The following IKBKB variants were observed in gnomAD, a reference collection of about 807,000 sequenced individuals.
IKBKB encodes the protein inhibitor of nuclear factor kappa-B kinase subunit beta.
In IKBKB, 42 loss-of-function variants were observed where a neutral mutation model predicts 113.6. The ratio of observed to expected loss-of-function variants is 0.37; its 90% CI spans 0.29 to 0.48. IKBKB has a LOEUF of 0.48. IKBKB is among the 20% of genes least tolerant of loss of function. IKBKB has a pLI of 0.99. For missense variants in IKBKB, 673 were observed against 939.7 expected (o/e 0.72, Z 3.71); for synonymous variants, 296 against 361.3 (o/e 0.82, Z 2.05).
intron 2 of IKBKB, among the ~76,000 whole-genome samples, chr8:42,275,636 A>T (rs993610020): frequency 2.0e-5 from 3 of 152,194 alleles, no homozygotes; most frequent in Non-Finnish European, 4.4e-5. Context: ...TTTATGGCTG[A>T]ATAAGAGTAC....
Position 42,317,790 on chromosome 8 carries a change from T to C in IKBKB, c.1240+19T>C. 6.5e-7 allele frequency: 1 copy of C among 1,535,192 alleles called. No homozygotes were observed. The highest frequency in any genetic ancestry group is 1.1e-5 in the South Asian group (1 of 89,472). ...TGTATCCGTAAGAATTTGTTATGTT[T>C]TGTTTTTCTAAATAATCCGTTATAA... On this transcript the variant is annotated intron_variant, in intron 12 of 21. Transcript: ENST00000520810.
intron 5 of IKBKB, among the ~76,000 whole-genome samples, chr8:42,293,910 G>A (rs983469928): frequency 2.0e-5 from 3 of 152,218 alleles, no homozygotes; most frequent in South Asian, 2.1e-4. Context: ...AATGAGAGGC[G>A]TAGGAAAAAC....
intron 5 of IKBKB, among the ~76,000 whole-genome samples, chr8:42,303,090 A>AGAGTG (rs1815668991): frequency 9.9e-6 from 1 of 101,162 alleles, no homozygotes; most frequent in Non-Finnish European, 2.0e-5. Context: ...AGAGAGAGAG[A>AGAGTG]ATGAGAGAGA....
intron 19 of IKBKB, chr8:42,325,534 C>A: frequency 1.6e-6 from 1 of 626,332 alleles, no homozygotes; most frequent in Non-Finnish European, 2.0e-6. Flanking sequence ...CAAAAATTAG[C>A]TGGGTGTAGT....
intron 5 of IKBKB, among the ~76,000 whole-genome samples, chr8:42,304,775 C>A (rs979102261): frequency 2.0e-5 from 3 of 152,218 alleles, no homozygotes; most frequent in Admixed American, 6.5e-5. Flanking sequence ...AAAGAAACTT[C>A]CCTTCTCAAA....
intron 2 of IKBKB, among the ~76,000 whole-genome samples, chr8:42,273,579 T>A (rs915885619): frequency 4.6e-5 from 7 of 152,152 alleles, no homozygotes; most frequent in South Asian, 4.1e-4. Flanking sequence ...AACATTTTTT[T>A]AAATTTTGTA....
intron 21 of IKBKB, chr8:42,329,676 C>T: frequency 2.0e-6 from 2 of 985,328 alleles, no homozygotes; most frequent in Non-Finnish European, 2.4e-6. Context: ...CCCACCTGCA[C>T]CATTGGTACT....
intron 19 of IKBKB, 99 bp downstream of exon 19, chr8:42,322,593 C>A: frequency 1.6e-6 from 2 of 1,242,378 alleles, no homozygotes; most frequent in South Asian, 1.4e-5. Flanking sequence ...ACCACAGAGC[C>A]ACCAGCAGCC....
rs572879164 is a variant in IKBKB, at chr8:42,275,567, T to C, written c.105+3362T>C. On this transcript the variant is annotated intron_variant, in intron 2 of 21. Coordinates refer to ENST00000520810, the MANE Select transcript of IKBKB (RefSeq NM_001556.3). ...TCTCCCTGGGCCTGGCTTAATTCCC[T>C]TAATGTAATGCCCTCCAAGCTCATC... 2.0e-5 allele frequency among the ~76,000 whole-genome samples: 3 copies of C among 152,322 alleles called. No homozygotes were observed. In the East Asian group the frequency reaches 5.8e-4, roughly 29 times the overall value.
At chr8:42,284,151 A>G (rs1810917811) in intron 2 of IKBKB, among the ~76,000 whole-genome samples, 1 of 152,198 alleles carries the variant, frequency 6.6e-6, no homozygotes, top group South Asian at 2.1e-4. Flanking sequence ...ATAGTCCTAG[A>G]GGCTATGAAG....
intron 2 of IKBKB, among the ~76,000 whole-genome samples, chr8:42,287,107 T>C (rs1223620313): frequency 6.6e-6 from 1 of 152,146 alleles, no homozygotes; most frequent in Non-Finnish European, 1.5e-5. Flanking sequence ...CAGTGGTGAC[T>C]CCCTTGTGGC....
At chr8:42,320,972 G>T (rs1170653609) in intron 16 of IKBKB, 128 bp downstream of exon 16, 2 of 536,130 alleles carry the variant, frequency 3.7e-6, no homozygotes, top group Non-Finnish European at 6.5e-6. Flanking sequence ...TCCCTGTGGG[G>T]TCACTTCCAG....
At position 42,331,072 on chromosome 8, in the gene IKBKB, C is replaced by A; in HGVS notation, c.*93C>A. ...CCCCCTGACATGGGGCTGCCTGGAG[C>A]AGGCCGCGTGACGTGGGGCTGCCTG... is the stretch of plus-strand genomic sequence containing the variant. On this transcript the variant is annotated 3_prime_UTR_variant, in exon 22 of 22. Transcript: ENST00000520810. The A allele has an allele frequency of 3.8e-6, 6 of 1,585,464 alleles. No homozygotes were observed. The highest frequency in any genetic ancestry group is 5.1e-6 in the Non-Finnish European group (6 of 1,168,744).
chr8:42,314,581 C>T, intron 9 of IKBKB, 152 bp downstream of exon 9: 1 of 610,660 alleles, frequency 1.6e-6, no homozygotes, highest in Non-Finnish European at 3.0e-6. Flanking sequence ...TCAAGACCAG[C>T]CTGGCCAACA....
chr8:42,311,538 G>A (rs1817682489), intron 8 of IKBKB, among the ~76,000 whole-genome samples: 1 of 128,576 alleles, frequency 7.8e-6, no homozygotes, highest in East Asian at 2.3e-4. Flanking sequence ...TTCAGTCTGG[G>A]CAACAGAGCA....
chr8:42,302,072 C>T (rs1419028133), intron 5 of IKBKB, among the ~76,000 whole-genome samples: 10 of 152,210 alleles, frequency 6.6e-5, no homozygotes, highest in Admixed American at 6.5e-4. Context: ...TATCAGTTAA[C>T]AGACACTTTG....
intron 2 of IKBKB, chr8:42,272,436 C>T: frequency 1.6e-6 from 1 of 607,848 alleles, no homozygotes; most frequent in Middle Eastern, 2.9e-4. Context: ...TAAAGTTAAG[C>T]TCTTAGTCTC....
At position 42,296,002 on chromosome 8, in the gene IKBKB, T is replaced by TATAGATAG. The variant is rs375403033; in HGVS notation, c.388+2495_388+2502dup. Among the ~76,000 whole-genome samples, 543 of 152,348 alleles carry TATAGATAG rather than the reference T, an allele frequency of 3.6e-3. 6 individuals are homozygous for TATAGATAG. Among genetic ancestry groups the TATAGATAG allele is most frequent in the African/African-American group, 0.012 (503 of 41,574 alleles). On this transcript the variant is annotated intron_variant, in intron 5 of 21. Coordinates refer to ENST00000520810, the MANE Select transcript of IKBKB (RefSeq NM_001556.3). ...AAGTGCTTGTGTGCTATAGGTCTCC[T>TATAGATAG]ATAGATAGATAGGTAGGTGAATATT...
Position 42,316,782 on chromosome 8 carries a change from A to G in IKBKB, c.1003A>G (p.Ser335Gly). ...YPVTEDESLQ[S>G]LKARIQQDTG... ...TGTGACAGAGGATGAGAGTCTGCAG[A>G]GCTTGAAGGCCAGAATCCAACAGGA... Residue 335 changes from serine (S) to glycine (G), a missense_variant, in exon 11 of 22, where the codon AGC becomes GGC. Around this residue, in one of 2 missense-constraint regions of IKBKB, gnomAD observed 506 missense variants for 638.7 expected, o/e 0.79. Coordinates refer to ENST00000520810, the MANE Select transcript of IKBKB (RefSeq NM_001556.3). The surrounding 1 kb of genome is among the most constrained non-coding windows in gnomAD (Gnocchi z 4.5). 6.2e-7 allele frequency: 1 copy of G among 1,614,128 alleles called. No individual in the cohort carries two copies. Among genetic ancestry groups the G allele is most frequent in the Non-Finnish European group, 8.5e-7 (1 of 1,180,016 alleles).
Sources: allele counts gnomAD v4.1 joint callset (sites outside exome capture counted in the v4.1 genomes callset), GRCh38; gene constraint gnomAD v4.1.1; regional missense constraint gnomAD v4.1.1; non-coding constraint Gnocchi (gnomAD v3.1); transcripts MANE v1.5; gene names NCBI Gene and HGNC (gene_info 2026-07-23, HGNC 2026-07-21).